Variants in PECAM1 observed in about 807,000 individuals in gnomAD.
PECAM1 encodes the protein platelet and endothelial cell adhesion molecule 1, also known as platelet endothelial cell adhesion molecule.
A neutral mutation model predicts 13.8 loss-of-function variants in PECAM1; 8 were observed. That is an observed-to-expected ratio of 0.58 (90% CI 0.34 to 1.05). The LOEUF is 1.05. Among genes scored for constraint, PECAM1 ranks in the 50% least tolerant of loss-of-function variants. The probability of loss-of-function intolerance (pLI) is 0.03; values close to 1 mark genes in which losing one functional copy is unlikely to be tolerated. For missense variants in PECAM1, 304 were observed against 141.2 expected, an observed-to-expected ratio of 2.15 and a Z score of -5.84; for synonymous variants, 136 against 52.6, an observed-to-expected ratio of 2.58 and a Z score of -6.86.
At chr17:64,368,925 T>A (rs1250726210) in intron 5 of PECAM1, among the ~76,000 whole-genome samples, 2 of 127,398 alleles carry the variant, frequency 1.6e-5, no homozygotes, top group African/African-American at 5.6e-5. Context: ...AGGGTAATTG[T>A]CATTTCTTTT....
chr17:64,332,084 C>T (rs114856022), intron 14 of PECAM1, among the ~76,000 whole-genome samples: 1 of 152,330 alleles, frequency 6.6e-6, no homozygotes, highest in African/African-American at 2.4e-5. Flanking sequence ...AAGTCCACCT[C>T]ACCCTAACAC....
At position 64,321,523 on chromosome 17, in the gene PECAM1, C is replaced by T; in HGVS notation, c.*2293G>A. ...CTGCAATCCCAGCACTTTGCGAGGC[C>T]AAGGAGGGAGGATCACTTGAGCCCA... On this transcript the variant is annotated 3_prime_UTR_variant, in exon 16 of 16. Transcript: ENST00000563924. 1 of 850,344 alleles carries T rather than the reference C, an allele frequency of 1.2e-6. No individual in the cohort carries two copies. The highest frequency in any genetic ancestry group is 1.4e-6 in the Non-Finnish European group (1 of 697,772). 52.7% of individuals were successfully genotyped at this position (850,344 alleles called of 1,614,324 possible). A position where few individuals can be genotyped will look rare whatever the true frequency, so the allele number is the denominator to read the frequency against.
chr17:64,338,943 A>G (rs1176480519), intron 14 of PECAM1, among the ~76,000 whole-genome samples: 1 of 152,184 alleles, frequency 6.6e-6, no homozygotes, highest in Non-Finnish European at 1.5e-5. Context: ...TGCGTTATGT[A>G]TGTTAATAAA....
At chr17:64,386,652 C>CTGGGT (rs1378789174) in intron 2 of PECAM1, among the ~76,000 whole-genome samples, 1 of 151,948 alleles carries the variant, frequency 6.6e-6, no homozygotes, top group African/African-American at 2.4e-5. Flanking sequence ...CCACACGCAG[C>CTGGGT]TGGGTGTGGT....
At chr17:64,337,751 C>A (rs1260436512) in intron 14 of PECAM1, among the ~76,000 whole-genome samples, 1 of 152,082 alleles carries the variant, frequency 6.6e-6, no homozygotes, top group Non-Finnish European at 1.5e-5. Flanking sequence ...CCGAGAGAAC[C>A]CACTTGAACA....
chr17:64,332,776 C>G (rs2035160830), intron 14 of PECAM1, among the ~76,000 whole-genome samples: 1 of 152,224 alleles, frequency 6.6e-6, no homozygotes, highest in Non-Finnish European at 1.5e-5. Context: ...TCTTGGTATA[C>G]TGGGTGGCAG....
intron 14 of PECAM1, among the ~76,000 whole-genome samples, chr17:64,334,025 T>C (rs2035200286): frequency 7.3e-6 from 1 of 136,704 alleles, no homozygotes; most frequent in African/African-American, 2.8e-5. Context: ...AGAGAGTCAA[T>C]AGGGAAACTG....
chr17:64,373,934 C>A (rs2036299022), intron 4 of PECAM1, among the ~76,000 whole-genome samples: 1 of 152,094 alleles, frequency 6.6e-6, no homozygotes, highest in East Asian at 1.9e-4. Context: ...CCCTGTATGT[C>A]CTGGACACTC....
At chr17:64,330,590 C>G (rs36067960) in intron 14 of PECAM1, among the ~76,000 whole-genome samples, 1 of 149,456 alleles carries the variant, frequency 6.7e-6, no homozygotes, top group African/African-American at 2.5e-5. Context: ...GAGCTGAGAT[C>G]GCACCACTGC....
chr17:64,346,145 A>G (rs2143753286), intron 13 of PECAM1, among the ~76,000 whole-genome samples: 1 of 152,304 alleles, frequency 6.6e-6, no homozygotes, highest in South Asian at 2.1e-4. Flanking sequence ...GCCTGGGGTT[A>G]GCCTCAGAGG....
intron 2 of PECAM1, among the ~76,000 whole-genome samples, chr17:64,380,467 A>G (rs2036458751): frequency 6.6e-6 from 1 of 152,188 alleles, no homozygotes; most frequent in Non-Finnish European, 1.5e-5. Flanking sequence ...AATTTCTACC[A>G]TGCCCATTCT....
chr17:64,347,701 TTATATATTA>T (rs1287622093), intron 13 of PECAM1, among the ~76,000 whole-genome samples: 5 of 144,342 alleles, frequency 3.5e-5, no homozygotes, highest in Admixed American at 7.1e-5. Flanking sequence ...GTATTTATAT[TTATATATTA>T]TATATATTAT....
chr17:64,390,398 C>T, intron 2 of PECAM1, 91 bp downstream of exon 2: 1 of 426,666 alleles, frequency 2.3e-6, no homozygotes, highest in Non-Finnish European at 4.3e-6. Context: ...AGTATCAAAC[C>T]CCAGCAATTT....
intron 14 of PECAM1, among the ~76,000 whole-genome samples, chr17:64,332,519 G>T (rs1555646974): frequency 6.6e-6 from 1 of 152,150 alleles, no homozygotes; most frequent in African/African-American, 2.4e-5. Flanking sequence ...AAGTTGAATT[G>T]GAGGTAGCAT....
intron 14 of PECAM1, among the ~76,000 whole-genome samples, chr17:64,334,777 G>A (rs2035227424): frequency 1.3e-5 from 2 of 152,288 alleles, no homozygotes; most frequent in African/African-American, 4.8e-5. Context: ...AAATTGCTGG[G>A]ATTACAGGCG....
intron 5 of PECAM1, among the ~76,000 whole-genome samples, chr17:64,368,616 G>A (rs965163658): frequency 0.011 from 1,664 of 152,184 alleles, 20 homozygotes; most frequent in Non-Finnish European, 0.018. Flanking sequence ...TTAGGAGGCC[G>A]AGGCAGGCAG....
Position 64,337,090 on chromosome 17 carries a change from C to T in PECAM1, c.2164+4544G>A, listed in dbSNP as rs929697682. Among the ~76,000 whole-genome samples the T allele has an allele frequency of 9.7e-4, 148 of 152,312 alleles. 2 individuals are homozygous for T. Among genetic ancestry groups the T allele is most frequent in the South Asian group, 2.1e-3 (10 of 4,834 alleles). ...AAGGAAGCACTGACAAACAGGAAAC[C>T]CCTTGGCTTCCAGGACCAGAGGCTT... On this transcript the variant is annotated intron_variant, in intron 14 of 15. Transcript: ENST00000563924.
rs782296560 is a variant in PECAM1, at chr17:64,323,684, T to C, written c.*132A>G. The C allele has an allele frequency of 6.7e-5, 103 of 1,536,310 alleles. 1 individual carries two copies. In the Middle Eastern group the frequency reaches 1.8e-3, roughly 26 times the overall value. ...GGATTTAAGAACCGGCAGCTTAGCC[T>C]GAGGAATTGCTGTGTTCTGTGGGAG... On this transcript the variant is annotated 3_prime_UTR_variant, in exon 16 of 16. Transcript: ENST00000563924.
intron 3 of PECAM1, among the ~76,000 whole-genome samples, chr17:64,376,991 A>G (rs1272063544): frequency 6.6e-6 from 1 of 151,936 alleles, no homozygotes. Flanking sequence ...AAATAAATAC[A>G]TTTCTATTTA....
Sources: allele counts gnomAD v4.1 joint callset (sites outside exome capture counted in the v4.1 genomes callset), GRCh38; gene constraint gnomAD v4.1.1; transcripts MANE v1.5; gene names NCBI Gene and HGNC (gene_info 2026-07-23, HGNC 2026-07-21).